GALNTL6: variants seen among roughly 807,000 people sequenced by gnomAD.
GALNTL6 encodes polypeptide N-acetylgalactosaminyltransferase like 6, also known as polypeptide N-acetylgalactosaminyltransferase-like 6.
A neutral mutation model predicts 73.7 loss-of-function variants in GALNTL6; 46 were observed. That is an observed-to-expected ratio of 0.62 (90% confidence interval 0.49 to 0.80). The LOEUF is 0.80. Ranked by LOEUF, GALNTL6 falls within the 30% of genes least tolerant of loss-of-function variation. The pLI, the probability that GALNTL6 is intolerant of heterozygous loss-of-function variation, is 0.00. For missense variants in GALNTL6, 604 were observed against 755.0 expected (o/e 0.80, Z 2.34); for synonymous variants, 259 against 263.7 (o/e 0.98, Z 0.17).
At chr4:172,561,259 C>CAAAAA (rs59249298) in intron 5 of GALNTL6, among the ~76,000 whole-genome samples, 13 of 60,122 alleles carry the variant, frequency 2.2e-4, no homozygotes, top group African/African-American at 9.3e-4. Flanking sequence ...GACTCCGTCT[C>CAAAAA]AAAAAAAAAA....
At chr4:172,476,084 G>A (rs1031205932) in intron 5 of GALNTL6, among the ~76,000 whole-genome samples, 5 of 152,170 alleles carry the variant, frequency 3.3e-5, no homozygotes, top group Non-Finnish European at 7.3e-5. Context: ...AGTCGAATTG[G>A]AGCTTCAACA....
rs112665797 is a variant in GALNTL6 at position 172,449,634 on chromosome 4, G to A, written c.553+100945G>A. Among the ~76,000 whole-genome samples the A allele has an allele frequency of 6.0e-3, 908 of 152,218 alleles. 10 individuals carry two copies. The highest frequency in any genetic ancestry group is 0.021 in the African/African-American group (863 of 41,516). On this transcript the variant is annotated intron_variant, in intron 5 of 12. Coordinates refer to ENST00000506823, the MANE Select transcript of GALNTL6 (RefSeq NM_001034845.3). The stretch of plus-strand genomic sequence containing the variant: ...TGATTTTCTGTCTACAACACTGGCC[G>A]TTCTTTCTTAGTCTTTTTTCTGTAC...
chr4:172,470,573 T>C (rs1733008098), intron 5 of GALNTL6, among the ~76,000 whole-genome samples: 1 of 152,324 alleles, frequency 6.6e-6, no homozygotes, highest in South Asian at 2.1e-4. Context: ...AGTGCCAGTA[T>C]ATTGTCTTAA....
chr4:172,709,550 G>A (rs1417852666), intron 5 of GALNTL6, among the ~76,000 whole-genome samples: 2 of 152,134 alleles, frequency 1.3e-5, no homozygotes, highest in Admixed American at 6.5e-5. Flanking sequence ...GAGACTGTCA[G>A]CAGGTGAGCT....
chr4:172,706,009 C>A (rs907361536), intron 5 of GALNTL6, among the ~76,000 whole-genome samples: 3 of 151,874 alleles, frequency 2.0e-5, no homozygotes, highest in Non-Finnish European at 4.4e-5. Flanking sequence ...ATATTTATAT[C>A]TTTCTCTAGA....
rs138962530 is a variant in GALNTL6 at position 172,287,923 on chromosome 4, C to T, written c.248-23691C>T. ...TATAAATAAATGAAATGAGAGCATT[C>T]CTGAAACCTGTAAGCAGGGTAGAAC... is the stretch of plus-strand genomic sequence containing the variant. On this transcript the variant is annotated intron_variant, in intron 3 of 12. Coordinates refer to ENST00000506823, the MANE Select transcript of GALNTL6 (RefSeq NM_001034845.3). Among the ~76,000 whole-genome samples the T allele has an allele frequency of 7.8e-4, 118 of 152,184 alleles. 2 individuals are homozygous for T. The East Asian group carries it at 0.019, about 24-fold the overall frequency.
At chr4:172,590,895 T>C (rs1242589206) in intron 5 of GALNTL6, among the ~76,000 whole-genome samples, 1 of 152,116 alleles carries the variant, frequency 6.6e-6, no homozygotes, top group African/African-American at 2.4e-5. Flanking sequence ...TATGGGGAAA[T>C]CTATGGTCTC....
chr4:171,889,862 T>C (rs923015156), intron 2 of GALNTL6, among the ~76,000 whole-genome samples: 11 of 152,084 alleles, frequency 7.2e-5, no homozygotes, highest in African/African-American at 2.7e-4. Context: ...AGTCAAGTCA[T>C]TTTCTAAGAC....
At position 172,068,375 on chromosome 4, in the gene GALNTL6, A is replaced by G. The variant is rs977383374; in HGVS notation, c.139-161281A>G. 2.0e-4 allele frequency among the ~76,000 whole-genome samples: 22 copies of G among 110,148 alleles called. 8 individuals carry two copies. Among genetic ancestry groups the G allele is most frequent in the African/African-American group, 7.5e-4 (22 of 29,214 alleles). 72.3% of individuals were successfully genotyped at this position (110,148 alleles called of 152,430 possible). ...GAAATCTAGGCACCATGCTTGCTGC[A>G]TGATCTGCTTTCTGGCTTCTGCCTG... On this transcript the variant is annotated intron_variant, in intron 2 of 12. Coordinates refer to ENST00000506823, the MANE Select transcript of GALNTL6 (RefSeq NM_001034845.3).
intron 8 of GALNTL6, among the ~76,000 whole-genome samples, chr4:172,897,808 T>C (rs1299203112): frequency 6.6e-6 from 1 of 152,176 alleles, no homozygotes; most frequent in Non-Finnish European, 1.5e-5. Context: ...TGTGAGCAGG[T>C]TGCCTTCTAT....
intron 5 of GALNTL6, among the ~76,000 whole-genome samples, chr4:172,663,845 G>A (rs1731513869): frequency 6.6e-6 from 1 of 151,630 alleles, no homozygotes; most frequent in African/African-American, 2.4e-5. Flanking sequence ...CATGAGAATC[G>A]CTTGAACCTG....
intron 2 of GALNTL6, among the ~76,000 whole-genome samples, chr4:171,969,408 C>A (rs1017893135): frequency 7.9e-5 from 12 of 152,176 alleles, no homozygotes; most frequent in African/African-American, 2.4e-4. Flanking sequence ...CATGTGTATA[C>A]AGAGCATTAT....
chr4:172,605,711 G>T (rs1205981846), intron 5 of GALNTL6, among the ~76,000 whole-genome samples: 1 of 152,040 alleles, frequency 6.6e-6, no homozygotes, highest in Admixed American at 6.6e-5. Context: ...AAATGATGCA[G>T]ATTTTTTCAC....
intron 7 of GALNTL6, among the ~76,000 whole-genome samples, chr4:172,864,987 G>C (rs953586980): frequency 1.1e-4 from 17 of 152,078 alleles, no homozygotes; most frequent in Admixed American, 3.9e-4. Context: ...TATTGGATCT[G>C]CTTGCCTGAA....
At chr4:172,297,003 T>C (rs1310338470) in intron 3 of GALNTL6, among the ~76,000 whole-genome samples, 1 of 152,202 alleles carries the variant, frequency 6.6e-6, no homozygotes, top group Non-Finnish European at 1.5e-5. Flanking sequence ...TTCCTGTTTC[T>C]CCACATCCTC....
chr4:172,385,191 A>G (rs1005065500), intron 5 of GALNTL6, among the ~76,000 whole-genome samples: 1 of 151,844 alleles, frequency 6.6e-6, no homozygotes, highest in Non-Finnish European at 1.5e-5. Context: ...GGTATGTTTT[A>G]TAGACTAGCA....
At chr4:172,199,297 C>A (rs895134110) in intron 2 of GALNTL6, among the ~76,000 whole-genome samples, 3 of 151,990 alleles carry the variant, frequency 2.0e-5, no homozygotes, top group African/African-American at 7.2e-5. Context: ...GTACAATATA[C>A]AAAAAATGCT....
At chr4:172,123,239 C>T (rs1416679513) in intron 2 of GALNTL6, among the ~76,000 whole-genome samples, 3 of 152,070 alleles carry the variant, frequency 2.0e-5, no homozygotes, top group Non-Finnish European at 4.4e-5. Flanking sequence ...TTAATGCTTC[C>T]GATTGTATCA....
Position 172,644,869 on chromosome 4 carries a change from C to T in GALNTL6, c.554-164492C>T, listed in dbSNP as rs529741660. Among the ~76,000 whole-genome samples the T allele has an allele frequency of 3.3e-4, 50 of 152,012 alleles. No individual in the cohort carries two copies. The East Asian group carries it at 9.5e-3, about 29-fold the overall frequency. On this transcript the variant is annotated intron_variant, in intron 5 of 12. Transcript: ENST00000506823. Reference sequence around the variant, plus strand: ...CAATGTATGAGAGTTCCAGTCTCTACGAGGTCATCAGCATCACAACTGCCA... The same window carrying T: ...CAATGTATGAGAGTTCCAGTCTCTATGAGGTCATCAGCATCACAACTGCCA...
Sources: gnomAD v4.1 joint callset for allele counts (sites outside exome capture counted in the v4.1 genomes callset) on GRCh38, gnomAD v4.1.1 for gene constraint, MANE v1.5 for transcripts, NCBI Gene and HGNC (gene_info 2026-07-23, HGNC 2026-07-21) for gene names.